Variants in P3H4 observed in about 807,000 individuals in gnomAD.
P3H4 encodes endoplasmic reticulum protein SC65.
Under a neutral mutation model 52.9 loss-of-function variants are expected in P3H4, and 47 were observed. The ratio of observed to expected loss-of-function variants is 0.89; its 90% CI spans 0.70 to 1.13. P3H4 has a LOEUF of 1.13. Ranked by LOEUF, P3H4 falls within the 50% of genes most tolerant of loss-of-function variation. The pLI, the probability that P3H4 is intolerant of heterozygous loss-of-function variation, is 0.00. For missense variants in P3H4, 585 were observed against 611.0 expected (o/e 0.96, Z 0.45); for synonymous variants, 256 against 267.9 (o/e 0.96, Z 0.44).
chr17:41,811,122 TCCACC>T lies in P3H4; in HGVS notation c.615+5_615+9del, dbSNP rs1555614983. 6.2e-7 allele frequency: 1 copy of T among 1,613,822 alleles called. No individual in the cohort carries two copies. Among genetic ancestry groups the T allele is most frequent in the Non-Finnish European group, 8.5e-7 (1 of 1,179,918 alleles). ...TCCTCTACAAGCCTCCTCCTGACCC[TCCACC>T]CCACCTCGTAGGGCTGGGCCTCTAG... is the stretch of plus-strand genomic sequence containing the variant. On this transcript the variant is annotated splice_donor_5th_base_variant and intron_variant, in intron 2 of 7. Transcript: ENST00000393928. The surrounding 1 kb of genome is among the most constrained non-coding windows in gnomAD (Gnocchi z 4.8).
At chr17:41,808,626 C>A (rs1404629553) in intron 4 of P3H4, among the ~76,000 whole-genome samples, 1 of 152,106 alleles carries the variant, frequency 6.6e-6, no homozygotes, top group African/African-American at 2.4e-5. Context: ...TGGGCTCAAG[C>A]CATCTGCCTG....
In P3H4 at chr17:41,807,892, C is replaced by A; in HGVS notation, c.1029G>T (p.Trp343Cys). ...GCTGGAAGTCCTCCTCTTCCAGGCC[C>A]CAGCGAGCCCGGTGGAACCGGTAAT... ...LVYYRFHRAR[W>C]GLEEEDFQPR... The change falls in exon 5 of 8, where the codon TGG (tryptophan) becomes TGT (cysteine). Residue 343 changes from tryptophan (W) to cysteine (C), a missense_variant. Coordinates refer to ENST00000393928, the MANE Select transcript of P3H4 (RefSeq NM_006455.3). The A allele has an allele frequency of 6.2e-7, 1 of 1,614,080 alleles. No individual in the cohort carries two copies. Among genetic ancestry groups the A allele is most frequent in the African/African-American group, 1.3e-5 (1 of 75,062 alleles).
Position 41,810,867 on chromosome 17 carries a change from T to G in P3H4, c.783A>C (p.Ile261=), listed in dbSNP as rs1555614886. The G allele has an allele frequency of 6.2e-7, 1 of 1,612,792 alleles. No individual in the cohort carries two copies. The highest frequency in any genetic ancestry group is 1.1e-5 in the South Asian group (1 of 91,008). ...CGTGGTCTGGGTGGCAGATACCTGCTATGGCCGGGTAGAAGTCCTTGAAGT... is the reference window on the plus strand; with the variant it reads ...CGTGGTCTGGGTGGCAGATACCTGCGATGGCCGGGTAGAAGTCCTTGAAGT... ...QVDFKDFYPA[I]ADLFAESLQC... Residue 261 remains isoleucine (I), a synonymous_variant, in exon 3 of 8, where the codon ATA becomes ATC. Transcript: ENST00000393928.
At chr17:41,805,833 G>T (rs1336363653) in intron 6 of P3H4, among the ~76,000 whole-genome samples, 1 of 152,120 alleles carries the variant, frequency 6.6e-6, no homozygotes, top group Non-Finnish European at 1.5e-5. Context: ...GATGGGTGGG[G>T]GCGTGGGGGC....
chr17:41,809,777 T>C lies in P3H4; in HGVS notation c.845A>G (p.Asn282Ser), dbSNP rs782305421. 9.3e-6 allele frequency: 15 copies of C among 1,613,770 alleles called. No individual in the cohort carries two copies. The highest frequency in any genetic ancestry group is 1.1e-5 in the South Asian group (1 of 91,060). Residue 282 changes from asparagine to serine, a missense_variant, in exon 4 of 8, where the codon AAT (asparagine) becomes AGT (serine). By Grantham distance (46) the Asn-to-Ser change is conservative. Transcript: ENST00000393928. ...KVDCEANLTP[N>S]VGGYFVDKFV... ...CTTGTCCACGAAGTAGCCACCCACA[T>C]TGGGGGTCAAATTGGCCTCACAGTC...
chr17:41,808,432 G>A (rs2047696730), intron 4 of P3H4, among the ~76,000 whole-genome samples: 1 of 152,150 alleles, frequency 6.6e-6, no homozygotes, highest in Admixed American at 6.5e-5. Context: ...CTGTCACCCA[G>A]GTTGGAGTGC....
intron 6 of P3H4, among the ~76,000 whole-genome samples, chr17:41,805,249 A>G (rs576761748): frequency 6.6e-6 from 1 of 151,642 alleles, no homozygotes. Flanking sequence ...AGATCACGCC[A>G]CTGCACTCCA....
intron 3 of P3H4, 27 bp from the exon 4 acceptor site, chr17:41,809,861 G>T: frequency 6.2e-7 from 1 of 1,603,902 alleles, no homozygotes; most frequent in Non-Finnish European, 8.5e-7. Flanking sequence ...GCAGTGAGAG[G>T]CTGGCATTGC....
In P3H4 at chr17:41,803,448, GT is replaced by G; in HGVS notation, c.1147-18del. ...CAGCTCCATCTAGAGTAGCGCCACG[GT>G]TGTGGGAGAAACCGGGTCACAGTAC... On this transcript the variant is annotated intron_variant, in intron 6 of 7. Transcript: ENST00000393928. 1.2e-6 allele frequency: 2 copies of G among 1,612,100 alleles called. No individual in the cohort carries two copies. The highest frequency in any genetic ancestry group is 2.2e-5 in the South Asian group (2 of 90,924).
Position 41,801,976 on chromosome 17 carries a change from G to A in P3H4, c.*981C>T, listed in dbSNP as rs1286958505. On this transcript the variant is annotated 3_prime_UTR_variant, in exon 8 of 8. Transcript: ENST00000393928. ...ACTCATTCAACAACAAACATTTATT[G>A]AGCACCTACTGGTCAGGGCCCTGGA... 6.6e-6 allele frequency: 1 copy of A among 152,520 alleles called. No individual in the cohort carries two copies. Among genetic ancestry groups the A allele is most frequent in the Non-Finnish European group, 1.5e-5 (1 of 68,082 alleles). 9.4% of individuals were successfully genotyped at this position (152,520 alleles called of 1,614,324 possible). A position where few individuals can be genotyped will look rare whatever the true frequency, so the allele number is the denominator to read the frequency against.
In P3H4 at chr17:41,803,262, C is replaced by T. The variant is rs782618313; in HGVS notation, c.1291+25G>A. The T allele has an allele frequency of 6.2e-6, 10 of 1,600,656 alleles. No homozygotes were observed. The South Asian group carries it at 7.8e-5, about 13-fold the overall frequency. ...ACCTCCATCCCAGGCTGCATCCCCA[C>T]CCCCCAAGGACTCGTGTCACTGACC... On this transcript the variant is annotated intron_variant, in intron 7 of 7. Transcript: ENST00000393928.
At position 41,807,664 on chromosome 17, in the gene P3H4, AT is replaced by A. The variant is rs1395478619; in HGVS notation, c.1062+194del. The stretch of plus-strand genomic sequence containing the variant: ...AGGCGTCCACCACCATGCCTGGCTA[AT>A]TTTTTTTTCTTTTCAGTAGAGACGG... On this transcript the variant is annotated intron_variant, in intron 5 of 7. Transcript: ENST00000393928. Among the ~76,000 whole-genome samples the A allele has an allele frequency of 1.6e-4, 24 of 151,300 alleles. 1 individual carries two copies. In the South Asian group the frequency reaches 4.6e-3, roughly 29 times the overall value.
In P3H4 at chr17:41,806,898, G is replaced by A. The variant is rs200814170; in HGVS notation, c.1063-19C>T. 939 of 1,601,194 alleles carry A rather than the reference G, an allele frequency of 5.9e-4. 7 individuals are homozygous for A. In the African/African-American group the frequency reaches 0.01, roughly 18 times the overall value. ...TGGCCTCCTGGAAGGAGGGAAGGAC[G>A]GGGTGGGGGGTGAGCCATACCCTGT... is the stretch of plus-strand genomic sequence containing the variant. On this transcript the variant is annotated intron_variant, in intron 5 of 7. Transcript: ENST00000393928.
In P3H4 at chr17:41,803,508, T is replaced by A. The variant is rs2047640612; in HGVS notation, c.1147-77A>T. 2.3e-6 allele frequency: 3 copies of A among 1,298,368 alleles called. No individual in the cohort carries two copies. The East Asian group carries it at 7.5e-5, about 33-fold the overall frequency. The allele number at this position is 1,298,368 out of a possible 1,614,324, so 80.4% of individuals were successfully genotyped here. On this transcript the variant is annotated intron_variant, in intron 6 of 7. Transcript: ENST00000393928. ...CCATATGGGCTCCCTTCCTGGCCAA[T>A]GGGACTTCCCATCCCATCTCTCGGT...
chr17:41,809,953 G>C, intron 3 of P3H4, 119 bp from the exon 4 acceptor site: 1 of 1,205,398 alleles, frequency 8.3e-7, no homozygotes, highest in Non-Finnish European at 1.2e-6. Context: ...TCCAGAAAAT[G>C]TGTTGCTGTT....
chr17:41,804,100 T>C (rs1388309857), intron 6 of P3H4, among the ~76,000 whole-genome samples: 4 of 152,174 alleles, frequency 2.6e-5, no homozygotes, highest in South Asian at 4.2e-4. Flanking sequence ...TATAGGCGCA[T>C]GCCGCCACTC....
Position 41,811,518 on chromosome 17 carries a change from C to T in P3H4, c.398G>A (p.Arg133Gln), listed in dbSNP as rs200433757. Residue 133 changes from arginine to glutamine, a missense_variant, in exon 1 of 8, where the codon CGG (arginine) becomes CAG (glutamine). Transcript: ENST00000393928. The surrounding 1 kb of genome is among the most constrained non-coding windows in gnomAD (Gnocchi z 4.8). The stretch of plus-strand genomic sequence containing the variant: ...GCTCTGGAAGTCACGCAGCAGCTGC[C>T]GCGGCGGGTAGGGCACCTGGAAGGC... ...LPAFQVPYPP[R>Q]QLLRDFQSRL... 10,469 of 1,611,722 alleles carry T rather than the reference C, an allele frequency of 6.5e-3. 42 individuals are homozygous for T. Among genetic ancestry groups the T allele is most frequent in the Non-Finnish European group, 7.8e-3 (9,166 of 1,179,602 alleles).
At chr17:41,807,783 C>A in intron 5 of P3H4, 76 bp downstream of exon 5, 1 of 1,533,148 alleles carries the variant, frequency 6.5e-7, no homozygotes, top group Non-Finnish European at 8.8e-7. Flanking sequence ...CAGGCATGAG[C>A]CACCGCGCCC....
rs782386357 is a variant in P3H4, at chr17:41,811,127, C to G, written c.615+5G>C. The G allele has an allele frequency of 4.3e-6, 7 of 1,614,138 alleles. No individual in the cohort carries two copies. The highest frequency in any genetic ancestry group is 3.4e-6 in the Non-Finnish European group (4 of 1,179,976). On this transcript the variant is annotated splice_donor_5th_base_variant and intron_variant, in intron 2 of 7. Transcript: ENST00000393928. The surrounding 1 kb of genome is among the most constrained non-coding windows in gnomAD (Gnocchi z 4.8). ...TACAAGCCTCCTCCTGACCCTCCAC[C>G]CCACCTCGTAGGGCTGGGCCTCTAG...
Sources: gnomAD v4.1 joint callset for allele counts (sites outside exome capture counted in the v4.1 genomes callset) on GRCh38, gnomAD v4.1.1 for gene constraint, Gnocchi (gnomAD v3.1) non-coding constraint, MANE v1.5 for transcripts, NCBI Gene and HGNC (gene_info 2026-07-23, HGNC 2026-07-21) for gene names.